RBFOX1: variants seen among roughly 807,000 people sequenced by gnomAD.
RBFOX1 encodes the protein RNA binding fox-1 homolog 1, also known as RNA binding protein fox-1 homolog 1.
In RBFOX1, 8 loss-of-function variants were observed where a neutral mutation model predicts 57.7. The observed-to-expected ratio is 0.14, with a 90% CI of 0.08 to 0.25. RBFOX1 has a LOEUF of 0.25. RBFOX1 is among the 10% of genes least tolerant of loss of function. RBFOX1 has a pLI of 1.00. For synonymous variants in RBFOX1, 326 were observed against 222.4 expected (o/e 1.47, Z -4.15); for missense variants, 611 against 548.5 (o/e 1.11, Z -1.14).
intron 3 of RBFOX1, among the ~76,000 whole-genome samples, chr16:6,815,821 A>T (rs1025327007): frequency 6.6e-6 from 1 of 152,238 alleles, no homozygotes; most frequent in African/African-American, 2.4e-5. Flanking sequence ...AGTTACTTTA[A>T]GAGGAAAAGC....
rs527356212 is a variant in RBFOX1 at position 7,405,140 on chromosome 16, G to T, written c.28-113007G>T. 5.9e-5 allele frequency among the ~76,000 whole-genome samples: 9 copies of T among 152,348 alleles called. No individual in the cohort carries two copies. In the South Asian group the frequency reaches 1.9e-3, roughly 32 times the overall value. On this transcript the variant is annotated intron_variant, in intron 4 of 15. Transcript: ENST00000550418. The stretch of plus-strand genomic sequence containing the variant: ...GGCCCATCCTAGAGAAAAATCTCCA[G>T]TGAGGCTGCAGTTGCAATTTATTTC...
intron 3 of RBFOX1, among the ~76,000 whole-genome samples, chr16:5,815,696 T>C (rs2055609062): frequency 6.6e-6 from 1 of 152,172 alleles, no homozygotes; most frequent in Non-Finnish European, 1.5e-5. Flanking sequence ...GGTTTCTTTA[T>C]TAAAAATTAA....
intron 6 of RBFOX1, 68 bp downstream of exon 6, chr16:7,579,988 A>G (rs1042749836): frequency 1.2e-5 from 19 of 1,537,746 alleles, no homozygotes; most frequent in African/African-American, 6.9e-5. Context: ...GTCTCATGTA[A>G]GTTTGGGGTA....
chr16:6,426,993 T>C (rs187774334), intron 2 of RBFOX1, among the ~76,000 whole-genome samples: 3 of 152,320 alleles, frequency 2.0e-5, no homozygotes, highest in Admixed American at 2.0e-4. Context: ...ATTGAGTTTC[T>C]GTGATTCCAA....
At chr16:7,353,020 C>G (rs560886989) in intron 4 of RBFOX1, among the ~76,000 whole-genome samples, 1 of 152,084 alleles carries the variant, frequency 6.6e-6, no homozygotes, top group African/African-American at 2.4e-5. Flanking sequence ...CCAGCCCATA[C>G]CACTTTTCCA....
chr16:7,508,597 C>T (rs2151994129), intron 4 of RBFOX1, among the ~76,000 whole-genome samples: 1 of 152,192 alleles, frequency 6.6e-6, no homozygotes, highest in East Asian at 1.9e-4. Context: ...TGCAGAGATC[C>T]CCAAGGTATG....
chr16:5,359,397 C>G (rs1044750594), intron 1 of RBFOX1, among the ~76,000 whole-genome samples: 1 of 152,196 alleles, frequency 6.6e-6, no homozygotes, highest in African/African-American at 2.4e-5. Flanking sequence ...CCAAACTGTT[C>G]TCCTCAGTGG....
chr16:5,421,708 T>A (rs907284136), intron 1 of RBFOX1, among the ~76,000 whole-genome samples: 1 of 152,162 alleles, frequency 6.6e-6, no homozygotes, highest in African/African-American at 2.4e-5. Flanking sequence ...GCAAAACAGA[T>A]CCTGAAGTCA....
At chr16:6,421,228 G>T (rs542413654) in intron 2 of RBFOX1, among the ~76,000 whole-genome samples, 1 of 152,180 alleles carries the variant, frequency 6.6e-6, no homozygotes, top group Non-Finnish European at 1.5e-5. Flanking sequence ...TCCTTCGGGA[G>T]GGGACAGAGG....
chr16:7,347,647 C>G lies in RBFOX1; in HGVS notation c.28-170500C>G, dbSNP rs141857404. Among the ~76,000 whole-genome samples the G allele has an allele frequency of 4.2e-4, 64 of 152,320 alleles. No individual in the cohort carries two copies. The Middle Eastern group carries it at 0.02, about 49-fold the overall frequency. ...AACCCCACTCTAGGCTGTCACACTACTGTGACTCAGCTACAGAGACTATCA... is the reference window on the plus strand; with the variant it reads ...AACCCCACTCTAGGCTGTCACACTAGTGTGACTCAGCTACAGAGACTATCA... On this transcript the variant is annotated intron_variant, in intron 4 of 15. Transcript: ENST00000550418.
In RBFOX1 at chr16:7,491,799, T is replaced by G. The variant is rs540538509; in HGVS notation, c.28-26348T>G. ...GCACATGCCACCATGCCCAGCTAAT[T>G]AATATATATATATTTAAAAACATGT... is the stretch of plus-strand genomic sequence containing the variant. On this transcript the variant is annotated intron_variant, in intron 4 of 15. Coordinates refer to ENST00000550418, the MANE Select transcript of RBFOX1 (RefSeq NM_018723.4). Among the ~76,000 whole-genome samples, 17 of 152,248 alleles carry G rather than the reference T, an allele frequency of 1.1e-4. No homozygotes were observed. The South Asian group carries it at 3.3e-3, about 30-fold the overall frequency.
chr16:5,250,093 G>C (rs1257652091), intron 1 of RBFOX1, among the ~76,000 whole-genome samples: 8 of 150,816 alleles, frequency 5.3e-5, no homozygotes, highest in South Asian at 4.2e-4. Flanking sequence ...TGTGTCCCTG[G>C]ACTCCAGCCT....
At chr16:5,523,244 C>A (rs1327414232) in intron 2 of RBFOX1, among the ~76,000 whole-genome samples, 1 of 151,662 alleles carries the variant, frequency 6.6e-6, no homozygotes, top group Non-Finnish European at 1.5e-5. Flanking sequence ...CGAGATCGCG[C>A]CATGGCACAC....
intron 4 of RBFOX1, among the ~76,000 whole-genome samples, chr16:5,914,057 G>A (rs62013867): frequency 0.14 from 21,021 of 152,178 alleles, 1,933 homozygotes; most frequent in Non-Finnish European, 0.2. Flanking sequence ...AAGGACAGAG[G>A]CATTAACCCA....
intron 2 of RBFOX1, among the ~76,000 whole-genome samples, chr16:6,501,364 C>T (rs1475175640): frequency 7.3e-6 from 1 of 136,436 alleles, no homozygotes; most frequent in African/African-American, 2.8e-5. Context: ...CTGTTCAATT[C>T]CCACCTATGA....
At chr16:5,461,118 A>G (rs971252138) in intron 1 of RBFOX1, among the ~76,000 whole-genome samples, 3 of 152,100 alleles carry the variant, frequency 2.0e-5, no homozygotes, top group Non-Finnish European at 4.4e-5. Flanking sequence ...GAGATTGCAG[A>G]CTGGAGAGGA....
intron 4 of RBFOX1, among the ~76,000 whole-genome samples, chr16:7,253,680 C>T (rs973230534): frequency 2.0e-5 from 3 of 152,156 alleles, no homozygotes; most frequent in Admixed American, 2.0e-4. Flanking sequence ...CCTTACCCTA[C>T]TTCTCAGGTG....
chr16:6,494,355 A>C (rs2095708271), intron 2 of RBFOX1, among the ~76,000 whole-genome samples: 1 of 152,146 alleles, frequency 6.6e-6, no homozygotes, highest in African/African-American at 2.4e-5. Flanking sequence ...TTGTATAACC[A>C]CAGCTATCTC....
chr16:5,712,786 C>T (rs1403837985), intron 3 of RBFOX1, among the ~76,000 whole-genome samples: 1 of 152,208 alleles, frequency 6.6e-6, no homozygotes, highest in Non-Finnish European at 1.5e-5. Flanking sequence ...CTGGCTCCCT[C>T]TGATCTGCAT....
Sources: allele counts gnomAD v4.1 joint callset (sites outside exome capture counted in the v4.1 genomes callset), GRCh38; gene constraint gnomAD v4.1.1; transcripts MANE v1.5; gene names NCBI Gene and HGNC (gene_info 2026-07-23, HGNC 2026-07-21).